The following PTK2B variants were observed in gnomAD, a reference collection of about 807,000 sequenced individuals.
PTK2B encodes the protein protein-tyrosine kinase 2-beta.
PTK2B carries 71 observed loss-of-function variants against 142.9 expected under a neutral mutation model. The ratio of observed to expected loss-of-function variants is 0.50; its 90% confidence interval spans 0.41 to 0.61. The LOEUF (loss-of-function observed/expected upper bound fraction) is 0.61. Ranked by LOEUF, PTK2B falls within the 20% of genes least tolerant of loss-of-function variation. The pLI is 0.00. For synonymous variants in PTK2B, 519 were observed against 503.4 expected, an observed-to-expected ratio of 1.03 and a Z score of -0.42; for missense variants, 1,105 against 1,320.4, an observed-to-expected ratio of 0.84 and a Z score of 2.53.
At position 27,442,631 on chromosome 8, in the gene PTK2B, G is replaced by A. The variant is rs184746991; in HGVS notation, c.2040-244G>A. Among the ~76,000 whole-genome samples the A allele has an allele frequency of 8.8e-4, 134 of 152,314 alleles. 1 individual carries two copies. Among genetic ancestry groups the A allele is most frequent in the African/African-American group, 3.1e-3 (127 of 41,568 alleles). On this transcript the variant is annotated intron_variant, in intron 21 of 30. Coordinates refer to ENST00000346049, the MANE Select transcript of PTK2B (RefSeq NM_173176.3). ...GTTTGGGCTGGGACTGGCTCACCAA[G>A]GACGCTTTTCCACCTTGGATCCATT... is the stretch of plus-strand genomic sequence containing the variant.
intron 3 of PTK2B, among the ~76,000 whole-genome samples, chr8:27,315,632 C>CT (rs367617272): frequency 0.016 from 2,446 of 148,704 alleles, 63 homozygotes; most frequent in African/African-American, 0.057. Flanking sequence ...TTTGTTGGGT[C>CT]TTTTTTTTTT....
chr8:27,321,979 A>G (rs1051197840), upstream of PTK2B, among the ~76,000 whole-genome samples: 5 of 151,736 alleles, frequency 3.3e-5, no homozygotes, highest in African/African-American at 9.7e-5. Context: ...ACTTGTACCC[A>G]TAAGTTTTTC....
chr8:27,382,307 A>G (rs971965396), intron 1 of PTK2B, among the ~76,000 whole-genome samples: 1 of 152,090 alleles, frequency 6.6e-6, no homozygotes, highest in Admixed American at 6.5e-5. Context: ...AAAAATTATT[A>G]TTATTTACCA....
At chr8:27,407,719 A>G (rs1199585569) in intron 2 of PTK2B, among the ~76,000 whole-genome samples, 2 of 152,160 alleles carry the variant, frequency 1.3e-5, no homozygotes, top group African/African-American at 4.8e-5. Flanking sequence ...CTCCATTTCC[A>G]GCTCACATCT....
intron 24 of PTK2B, among the ~76,000 whole-genome samples, chr8:27,448,717 C>G (rs1165322235): frequency 6.6e-6 from 1 of 152,240 alleles, no homozygotes; most frequent in Non-Finnish European, 1.5e-5. Flanking sequence ...ATCCCTAACT[C>G]TATATTTAGA....
chr8:27,402,494 G>C (rs993014369), intron 2 of PTK2B, among the ~76,000 whole-genome samples: 11 of 152,180 alleles, frequency 7.2e-5, no homozygotes, highest in South Asian at 4.1e-4. Flanking sequence ...ACCATCTGGT[G>C]GTTGAAGCAT....
rs1396554517 is a variant in PTK2B, at chr8:27,435,753, C to A, written c.1203C>A (p.Ile401=). ...TTCCTGTTGTTCCAGAGTCAGACAT[C>A]TACGCAGAGATTCCCGACGAAACCC... The part of the protein sequence containing the change: ...LSESCSIESD[I]YAEIPDETLR... Residue 401 remains isoleucine, a synonymous_variant, in exon 14 of 31, where the codon ATC becomes ATA. Coordinates refer to ENST00000346049, the MANE Select transcript of PTK2B (RefSeq NM_173176.3). 6.2e-7 allele frequency: 1 copy of A among 1,614,184 alleles called. No individual in the cohort carries two copies. The highest frequency in any genetic ancestry group is 1.7e-5 in the Admixed American group (1 of 60,030).
At chr8:27,335,142 G>A (rs921722288) in intron 1 of PTK2B, among the ~76,000 whole-genome samples, 9 of 152,226 alleles carry the variant, frequency 5.9e-5, no homozygotes, top group African/African-American at 1.9e-4. Flanking sequence ...GACCTCCAGT[G>A]TACACAGACA....
chr8:27,421,203 T>C (rs1809724321), intron 4 of PTK2B, among the ~76,000 whole-genome samples: 1 of 152,220 alleles, frequency 6.6e-6, no homozygotes, highest in Admixed American at 6.5e-5. Flanking sequence ...TATAGGGTTG[T>C]TGTAGGGACC....
intron 1 of PTK2B, among the ~76,000 whole-genome samples, chr8:27,365,151 C>T (rs1252135264): frequency 6.6e-6 from 1 of 152,202 alleles, no homozygotes; most frequent in East Asian, 1.9e-4. Flanking sequence ...CTTTCTTCAC[C>T]CATGCTGCTC....
intron 3 of PTK2B, among the ~76,000 whole-genome samples, chr8:27,317,453 A>G (rs1457711002): frequency 6.7e-6 from 1 of 150,060 alleles, no homozygotes; most frequent in East Asian, 2.0e-4. Context: ...CCATTTCCTT[A>G]TGCCTTCTAT....
At chr8:27,345,575 G>T (rs1309172404) in intron 1 of PTK2B, among the ~76,000 whole-genome samples, 1 of 152,182 alleles carries the variant, frequency 6.6e-6, no homozygotes, top group African/African-American at 2.4e-5. Flanking sequence ...GCCAGGAGTG[G>T]GGTGTGGATG....
chr8:27,431,995 T>TC, intron 9 of PTK2B: 1 of 162,104 alleles, frequency 6.2e-6, no homozygotes, highest in Non-Finnish European at 1.0e-5. Context: ...TTTTGTGCGA[T>TC]TTTTTTTTTT....
rs1246100668 is a variant in PTK2B, at chr8:27,458,923, G to A, written c.*414G>A. 1.8e-5 allele frequency: 6 copies of A among 329,634 alleles called. No individual in the cohort carries two copies. Among genetic ancestry groups the A allele is most frequent in the African/African-American group, 4.2e-5 (2 of 47,822 alleles). 20.4% of individuals were successfully genotyped at this position (329,634 alleles called of 1,614,324 possible). On this transcript the variant is annotated 3_prime_UTR_variant, in exon 31 of 31. Transcript: ENST00000346049. ...CTTCGGCCCTCAGATGTCCCTTGATGCACAGAGAAGCTGGGGAGGAGCTTT... is the reference window on the plus strand; with the variant it reads ...CTTCGGCCCTCAGATGTCCCTTGATACACAGAGAAGCTGGGGAGGAGCTTT...
chr8:27,432,487 C>A, intron 10 of PTK2B, 126 bp downstream of exon 10: 1 of 812,152 alleles, frequency 1.2e-6, no homozygotes, highest in Non-Finnish European at 1.9e-6. Context: ...CTTTGGGGAT[C>A]GTGTTAAGAA....
chr8:27,321,796 A>G (rs1200167376), upstream of PTK2B, among the ~76,000 whole-genome samples: 3 of 152,142 alleles, frequency 2.0e-5, no homozygotes, highest in Non-Finnish European at 4.4e-5. Flanking sequence ...AGGGATTCCA[A>G]TATTAAGGAA....
intron 1 of PTK2B, among the ~76,000 whole-genome samples, chr8:27,375,737 C>T (rs1205889182): frequency 6.6e-6 from 1 of 152,218 alleles, no homozygotes; most frequent in Non-Finnish European, 1.5e-5. Flanking sequence ...CTCCCTCCTC[C>T]CCAGTTATGC....
At chr8:27,435,905 G>T in intron 14 of PTK2B, 112 bp downstream of exon 14, 1 of 1,364,488 alleles carries the variant, frequency 7.3e-7, no homozygotes. Context: ...TCCTCCCTTC[G>T]TGCTAGACTT....
chr8:27,373,481 T>A (rs1806481538), intron 1 of PTK2B, among the ~76,000 whole-genome samples: 1 of 152,104 alleles, frequency 6.6e-6, no homozygotes, highest in South Asian at 2.1e-4. Context: ...AGAGGACCCG[T>A]TGCTCCTCCC....
Sources: allele counts gnomAD v4.1 joint callset (sites outside exome capture counted in the v4.1 genomes callset), GRCh38; gene constraint gnomAD v4.1.1; transcripts MANE v1.5; gene names NCBI Gene and HGNC (gene_info 2026-07-23, HGNC 2026-07-21).